Variants in SYNE1 observed in about 807,000 individuals in gnomAD.
SYNE1 encodes the protein spectrin repeat containing nuclear envelope protein 1.
A neutral mutation model predicts 1,111.0 loss-of-function variants in SYNE1; 616 were observed. That is an observed-to-expected ratio of 0.55 (90% CI 0.52 to 0.59). SYNE1 has a LOEUF of 0.59. SYNE1 is among the 20% of genes least tolerant of loss of function. The pLI is 0.00. For missense variants in SYNE1, 10,006 were observed against 10,417.0 expected, an observed-to-expected ratio of 0.96 and a Z score of 1.72; for synonymous variants, 3,855 against 3,825.8, an observed-to-expected ratio of 1.01 and a Z score of -0.28.
intron 51 of SYNE1, among the ~76,000 whole-genome samples, chr6:152,394,428 G>A (rs1356955834): frequency 6.6e-6 from 1 of 152,094 alleles, no homozygotes; most frequent in Admixed American, 6.5e-5. Flanking sequence ...TGAGCCCAAG[G>A]AGCCAAAGCC....
chr6:152,511,197 G>A, intron 6 of SYNE1, 94 bp from the exon 7 acceptor site: 2 of 1,097,970 alleles, frequency 1.8e-6, no homozygotes, highest in African/African-American at 1.6e-5. Flanking sequence ...ACATCAATAA[G>A]ATTTGATCAT....
chr6:152,123,413 T>C (rs1342106049), intron 145 of SYNE1, among the ~76,000 whole-genome samples: 1 of 152,210 alleles, frequency 6.6e-6, no homozygotes, highest in Admixed American at 6.5e-5. Flanking sequence ...GGATGGACTG[T>C]CATCCTACAG....
rs568228327 is a variant in SYNE1 at position 152,204,605 on chromosome 6, A to G, written c.23019+1563T>C. 1.0e-3 allele frequency among the ~76,000 whole-genome samples: 156 copies of G among 152,324 alleles called. 3 individuals carry two copies. Among genetic ancestry groups the G allele is most frequent in the Non-Finnish European group, 1.2e-3 (83 of 68,020 alleles). On this transcript the variant is annotated intron_variant, in intron 126 of 145. Transcript: ENST00000367255. ...TAAACATCAAAATTCAGATTCATAA[A>G]TTCCTTCTTAGGCAAACGGATGTAG... is the stretch of plus-strand genomic sequence containing the variant.
chr6:152,417,351 ATCCAG>A (rs2098173415), intron 40 of SYNE1, among the ~76,000 whole-genome samples: 1 of 152,172 alleles, frequency 6.6e-6, no homozygotes, highest in Non-Finnish European at 1.5e-5. Context: ...ACAAAAAATT[ATCCAG>A]GCGTGGTGGT....
intron 12 of SYNE1, 49 bp downstream of exon 12, chr6:152,488,347 T>C (rs1316786024): frequency 1.1e-6 from 1 of 929,818 alleles, no homozygotes; most frequent in Non-Finnish European, 1.7e-6. Context: ...ATATAAATAT[T>C]AGTCAAAAAT....
intron 5 of SYNE1, among the ~76,000 whole-genome samples, chr6:152,525,732 A>G (rs1443264266): frequency 6.6e-6 from 1 of 152,232 alleles, no homozygotes; most frequent in Non-Finnish European, 1.5e-5. Context: ...AATGGAAGAC[A>G]AACACTTAAA....
At chr6:152,421,487 G>A (rs549799862) in intron 39 of SYNE1, among the ~76,000 whole-genome samples, 1 of 152,080 alleles carries the variant, frequency 6.6e-6, no homozygotes, top group East Asian at 1.9e-4. Flanking sequence ...GGTAGAAATT[G>A]GGGGCTGAAG....
At chr6:152,371,544 C>G (rs1315192763) in intron 59 of SYNE1, among the ~76,000 whole-genome samples, 1 of 136,182 alleles carries the variant, frequency 7.3e-6, no homozygotes, top group Non-Finnish European at 1.5e-5. Context: ...AATGGGGGAC[C>G]ATGATCAGGA....
chr6:152,186,557 A>G (rs2070045815), intron 128 of SYNE1, among the ~76,000 whole-genome samples: 5 of 6,608 alleles, frequency 7.6e-4, no homozygotes, highest in Admixed American at 2.8e-3. Flanking sequence ...GCTCTGTGTC[A>G]AAAAAAAAAA....
At chr6:152,453,774 C>T (rs2154254496) in intron 24 of SYNE1, 54 bp from the exon 25 acceptor site, 1 of 1,612,044 alleles carries the variant, frequency 6.2e-7, no homozygotes, top group Non-Finnish European at 8.5e-7. Context: ...AAAGGCAGCA[C>T]CAGGCACAAT....
chr6:152,409,440 AT>A, intron 43 of SYNE1, 118 bp downstream of exon 43: 1 of 1,393,404 alleles, frequency 7.2e-7, no homozygotes, highest in African/African-American at 1.4e-5. Flanking sequence ...AGTTGAGCTC[AT>A]TAGCATGAAT....
At chr6:152,124,858 T>C (rs1259413424) in intron 145 of SYNE1, among the ~76,000 whole-genome samples, 1 of 152,210 alleles carries the variant, frequency 6.6e-6, no homozygotes, top group African/African-American at 2.4e-5. Flanking sequence ...CCTAATTTTG[T>C]AGGGGAGTAG....
At position 152,435,978 on chromosome 6, in the gene SYNE1, C is replaced by G. The variant is rs772349786; in HGVS notation, c.4273G>C (p.Glu1425Gln). The change falls in exon 33 of 146, where the codon GAA (glutamate) becomes CAA (glutamine). Residue 1425 changes from glutamate (E) to glutamine (Q), a missense_variant. By Grantham distance (29) the Glu-to-Gln change is conservative. Coordinates refer to ENST00000367255, the MANE Select transcript of SYNE1 (RefSeq NM_182961.4). The stretch of plus-strand genomic sequence containing the variant: ...GTGTCTTCTAATTTTTTGACTTGTT[C>G]TTTGATTGACTTGGCCTGCTGTTGA... ...LLQQQAKSIK[E>Q]QVKKLEDTLE... 11 of 1,613,960 alleles carry G rather than the reference C, an allele frequency of 6.8e-6. No individual in the cohort carries two copies. Among genetic ancestry groups the G allele is most frequent in the Non-Finnish European group, 9.3e-6 (11 of 1,180,004 alleles).
intron 91 of SYNE1, among the ~76,000 whole-genome samples, chr6:152,303,966 C>A (rs188855081): frequency 1.2e-4 from 19 of 152,270 alleles, no homozygotes; most frequent in African/African-American, 4.1e-4. Context: ...TCTTCCTGCC[C>A]AACTGAAGCC....
chr6:152,544,459 C>T (rs1233688998), intron 3 of SYNE1, among the ~76,000 whole-genome samples: 1 of 151,998 alleles, frequency 6.6e-6, no homozygotes, highest in East Asian at 1.9e-4. Flanking sequence ...TCCTACAGGC[C>T]TCAGGAATTG....
In SYNE1 at chr6:152,352,085, A is replaced by G; in HGVS notation, c.11522T>C (p.Val3841Ala). The G allele has an allele frequency of 6.2e-7, 1 of 1,614,214 alleles. No homozygotes were observed. Among genetic ancestry groups the G allele is most frequent in the Non-Finnish European group, 8.5e-7 (1 of 1,180,038 alleles). Residue 3841 changes from valine (V) to alanine (A), a missense_variant, in exon 70 of 146, where the codon GTT becomes GCT. Val to Ala is a moderately conservative substitution (Grantham distance 64). Coordinates refer to ENST00000367255, the MANE Select transcript of SYNE1 (RefSeq NM_182961.4). ...WIAEYQEILH[V>A]PEEPKMELYE... is the part of the protein sequence containing the mutation. ...TAATTCCATTTTGGGTTCTTCAGGAACATGTAGAATTTCCTGGTATTCTGC... is the reference window on the plus strand; with the variant it reads ...TAATTCCATTTTGGGTTCTTCAGGAGCATGTAGAATTTCCTGGTATTCTGC...
intron 95 of SYNE1, among the ~76,000 whole-genome samples, chr6:152,284,445 A>G (rs2094207048): frequency 6.6e-6 from 1 of 151,776 alleles, no homozygotes. Flanking sequence ...TACAAGGATC[A>G]TCTGTAATAC....
At chr6:152,219,795 C>T (rs1225497270) in intron 119 of SYNE1, among the ~76,000 whole-genome samples, 1 of 152,150 alleles carries the variant, frequency 6.6e-6, no homozygotes, top group Non-Finnish European at 1.5e-5. Context: ...GATCTCTTTG[C>T]CTCCACTTTC....
At chr6:152,372,566 T>A (rs1463587421) in intron 59 of SYNE1, among the ~76,000 whole-genome samples, 1 of 152,240 alleles carries the variant, frequency 6.6e-6, no homozygotes, top group African/African-American at 2.4e-5. Flanking sequence ...TCTTCTATTG[T>A]GTGTGGAGAA....
Sources: allele counts gnomAD v4.1 joint callset (sites outside exome capture counted in the v4.1 genomes callset), GRCh38; gene constraint gnomAD v4.1.1; transcripts MANE v1.5; gene names NCBI Gene and HGNC (gene_info 2026-07-23, HGNC 2026-07-21).